NLGN1: variants seen among roughly 807,000 people sequenced by gnomAD.
NLGN1 encodes neuroligin-1.
In NLGN1, 12 loss-of-function variants were observed where a neutral mutation model predicts 65.5. The observed-to-expected ratio is 0.18, with a 90% CI of 0.12 to 0.30. The LOEUF (loss-of-function observed/expected upper bound fraction) is 0.30. Ranked by LOEUF, NLGN1 falls within the 10% of genes least tolerant of loss-of-function variation. NLGN1 has a pLI of 1.00. For synonymous variants in NLGN1, 350 were observed against 359.5 expected (o/e 0.97, Z 0.30); for missense variants, 750 against 1,007.1 (o/e 0.74, Z 3.46).
intron 4 of NLGN1, among the ~76,000 whole-genome samples, chr3:173,942,271 C>A (rs200024424): frequency 6.6e-6 from 1 of 151,936 alleles, no homozygotes; most frequent in Non-Finnish European, 1.5e-5. Flanking sequence ...GTTTTAGAAC[C>A]AAGCACTATC....
chr3:173,415,943 A>AGAGAGAGAGAGAGCGC (rs141095727), intron 1 of NLGN1, among the ~76,000 whole-genome samples: 3 of 142,890 alleles, frequency 2.1e-5, no homozygotes, highest in African/African-American at 8.4e-5. Flanking sequence ...AGAGAGAGAG[A>AGAGAGAGAGAGAGCGC]GCTTGGTATA....
intron 2 of NLGN1, among the ~76,000 whole-genome samples, chr3:173,507,650 G>T (rs905712964): frequency 6.6e-6 from 1 of 151,640 alleles, no homozygotes; most frequent in African/African-American, 2.4e-5. Context: ...TCAAAATGCA[G>T]TACATCTTTC....
chr3:173,593,911 G>C (rs1452550208), intron 2 of NLGN1, among the ~76,000 whole-genome samples: 1 of 152,202 alleles, frequency 6.6e-6, no homozygotes, highest in Non-Finnish European at 1.5e-5. Context: ...AAAACCATCA[G>C]ATCTCATGAG....
intron 4 of NLGN1, among the ~76,000 whole-genome samples, chr3:173,902,500 G>A (rs77459878): frequency 0.013 from 1,941 of 152,172 alleles, 52 homozygotes; most frequent in African/African-American, 0.041. Context: ...TTATTCTTAC[G>A]TAGAGTTTCT....
intron 4 of NLGN1, among the ~76,000 whole-genome samples, chr3:174,261,248 G>A (rs1342361134): frequency 2.0e-5 from 3 of 150,920 alleles, no homozygotes; most frequent in Admixed American, 6.6e-5. Flanking sequence ...TTATGGGGAT[G>A]GCATTGAATC....
chr3:173,674,598 C>T (rs73176516), intron 3 of NLGN1, among the ~76,000 whole-genome samples: 16,992 of 151,294 alleles, frequency 0.11, 991 homozygotes, highest in Middle Eastern at 0.28. Flanking sequence ...AGAAAGCTGT[C>T]CTTTCCGAAA....
chr3:174,021,937 G>T (rs1011632616), intron 4 of NLGN1, among the ~76,000 whole-genome samples: 1 of 152,148 alleles, frequency 6.6e-6, no homozygotes, highest in Admixed American at 6.6e-5. Flanking sequence ...AGCAAGGTCT[G>T]CAGTGAGACA....
At chr3:173,969,064 TAA>T (rs35287367) in intron 4 of NLGN1, among the ~76,000 whole-genome samples, 2 of 150,284 alleles carry the variant, frequency 1.3e-5, no homozygotes, top group East Asian at 2.0e-4. Flanking sequence ...CAAGAAGATT[TAA>T]AAAAAAAAAT....
At chr3:173,892,640 T>A (rs1735574349) in intron 4 of NLGN1, among the ~76,000 whole-genome samples, 1 of 152,136 alleles carries the variant, frequency 6.6e-6, no homozygotes. Flanking sequence ...CTAACATTTT[T>A]AGCACTACCT....
At chr3:173,536,128 T>C (rs1737389664) in intron 2 of NLGN1, among the ~76,000 whole-genome samples, 1 of 152,192 alleles carries the variant, frequency 6.6e-6, no homozygotes, top group African/African-American at 2.4e-5. Context: ...AATCCTTTTC[T>C]GATGATTCCT....
chr3:173,758,200 G>T (rs1252290587), intron 3 of NLGN1, among the ~76,000 whole-genome samples: 1 of 152,010 alleles, frequency 6.6e-6, no homozygotes, highest in Admixed American at 6.6e-5. Flanking sequence ...CTGCAAGGCA[G>T]GAGGAGAGCC....
intron 4 of NLGN1, among the ~76,000 whole-genome samples, chr3:173,847,838 C>G (rs899790602): frequency 6.6e-6 from 1 of 151,984 alleles, no homozygotes; most frequent in Non-Finnish European, 1.5e-5. Context: ...CATCACTGCA[C>G]TCTAGCCTGG....
At chr3:174,176,592 GT>G (rs1174061733) in intron 4 of NLGN1, among the ~76,000 whole-genome samples, 1 of 151,638 alleles carries the variant, frequency 6.6e-6, no homozygotes, top group Non-Finnish European at 1.5e-5. Context: ...GTTTTGTTTT[GT>G]TTTGTTTTTC....
At position 173,866,242 on chromosome 3, in the gene NLGN1, A is replaced by G. The variant is rs954681061; in HGVS notation, c.646+58410A>G. 2.0e-5 allele frequency among the ~76,000 whole-genome samples: 3 copies of G among 152,280 alleles called. No individual in the cohort carries two copies. The East Asian group carries it at 5.8e-4, about 29-fold the overall frequency. On this transcript the variant is annotated intron_variant, in intron 4 of 6. Transcript: ENST00000457714. The stretch of plus-strand genomic sequence containing the variant: ...GCAGGCATTTGAAAACAGTAATGAC[A>G]GTAATTAGATAGGTAGTGATTCTCG...
At position 173,431,876 on chromosome 3, in the gene NLGN1, G is replaced by T. The variant is rs115677118; in HGVS notation, c.-389-3134G>T. On this transcript the variant is annotated intron_variant, in intron 1 of 6. Transcript: ENST00000457714. Reference sequence around the variant, plus strand: ...AAAATCCTCTAGGGCTCTATGGTCTGCCTATTTATATCTTCCTCCCCACCA... The same window carrying T: ...AAAATCCTCTAGGGCTCTATGGTCTTCCTATTTATATCTTCCTCCCCACCA... Among the ~76,000 whole-genome samples the T allele has an allele frequency of 7.7e-3, 1,171 of 151,994 alleles. 17 individuals are homozygous for T. Among genetic ancestry groups the T allele is most frequent in the African/African-American group, 0.027 (1,096 of 41,332 alleles).
intron 3 of NLGN1, among the ~76,000 whole-genome samples, chr3:173,636,825 T>C (rs1756667700): frequency 6.6e-6 from 1 of 152,072 alleles, no homozygotes; most frequent in African/African-American, 2.4e-5. Flanking sequence ...CTGTAAAATA[T>C]TGTAATAATG....
chr3:173,998,859 A>T (rs1216458769), intron 4 of NLGN1, among the ~76,000 whole-genome samples: 1 of 152,104 alleles, frequency 6.6e-6, no homozygotes, highest in African/African-American at 2.4e-5. Flanking sequence ...ACTTACATGC[A>T]CCCTCCAACT....
chr3:173,510,419 C>G (rs1263148852), intron 2 of NLGN1, among the ~76,000 whole-genome samples: 1 of 152,184 alleles, frequency 6.6e-6, no homozygotes, highest in Non-Finnish European at 1.5e-5. Context: ...AGTATGTCAT[C>G]ACTATCCCCA....
rs557884319 is a variant in NLGN1 at position 173,907,712 on chromosome 3, G to A, written c.646+99880G>A. Among the ~76,000 whole-genome samples the A allele has an allele frequency of 2.0e-5, 3 of 151,776 alleles. No individual in the cohort carries two copies. The South Asian group carries it at 6.3e-4, about 32-fold the overall frequency. On this transcript the variant is annotated intron_variant, in intron 4 of 6. Transcript: ENST00000457714. ...CGATTCTCCTGCCTCAGCCTCCTGA[G>A]TAGCTGGGATTACAGGCATGCTTCA... is the stretch of plus-strand genomic sequence containing the variant.
Sources: allele counts gnomAD v4.1 joint callset (sites outside exome capture counted in the v4.1 genomes callset), GRCh38; gene constraint gnomAD v4.1.1; transcripts MANE v1.5; gene names NCBI Gene and HGNC (gene_info 2026-07-23, HGNC 2026-07-21).